The following SH3GLB1 variants were observed in gnomAD, a reference collection of about 807,000 sequenced individuals.
SH3GLB1 encodes endophilin-B1.
Under a neutral mutation model 42.0 loss-of-function variants are expected in SH3GLB1, and 17 were observed. The observed-to-expected ratio is 0.40, with a 90% CI of 0.28 to 0.61. The LOEUF (loss-of-function observed/expected upper bound fraction) is 0.61, where lower values mean the gene tolerates loss of function less well. SH3GLB1 is among the 20% of genes least tolerant of loss of function. SH3GLB1 has a pLI of 0.36. For missense variants in SH3GLB1, 355 were observed against 426.3 expected (o/e 0.83, Z 1.47); for synonymous variants, 132 against 146.6 (o/e 0.90, Z 0.72).
chr1:86,741,942 G>A (rs747767714), intron 7 of SH3GLB1, among the ~76,000 whole-genome samples: 1 of 151,948 alleles, frequency 6.6e-6, no homozygotes, highest in African/African-American at 2.4e-5. Flanking sequence ...AAAAAGTATA[G>A]CCATTAATTT....
In SH3GLB1 at chr1:86,745,151, G is replaced by A. The variant is rs188250289; in HGVS notation, c.*1916G>A. 8.5e-5 allele frequency: 13 copies of A among 152,296 alleles called. No individual in the cohort carries two copies. The highest frequency in any genetic ancestry group is 3.1e-4 in the African/African-American group (13 of 41,566). 9.4% of individuals were successfully genotyped at this position (152,296 alleles called of 1,614,324 possible). The stretch of plus-strand genomic sequence containing the variant: ...ATCGGTAATGGAGTGAAATGGTCCT[G>A]GGTTCAAATCCAGTCTTCCTCACAT... On this transcript the variant is annotated 3_prime_UTR_variant, in exon 9 of 9. Coordinates refer to ENST00000370558, the MANE Select transcript of SH3GLB1 (RefSeq NM_016009.5).
At chr1:86,725,558 A>G (rs1297638804) in intron 5 of SH3GLB1, among the ~76,000 whole-genome samples, 1 of 152,192 alleles carries the variant, frequency 6.6e-6, no homozygotes, top group Non-Finnish European at 1.5e-5. Context: ...AGAAGAAGCT[A>G]ACAAGTTAAT....
intron 1 of SH3GLB1, among the ~76,000 whole-genome samples, chr1:86,709,850 G>C (rs926265218): frequency 6.6e-6 from 1 of 152,194 alleles, no homozygotes; most frequent in East Asian, 1.9e-4. Context: ...ATTTATTTCA[G>C]CAAGTGTCAT....
chr1:86,735,640 A>G (rs1323936701), intron 7 of SH3GLB1, among the ~76,000 whole-genome samples: 3 of 152,242 alleles, frequency 2.0e-5, no homozygotes, highest in African/African-American at 7.2e-5. Context: ...TCAAAGCAAA[A>G]TGACAGTATG....
chr1:86,724,890 A>ATATATATATAT (rs1349915743), intron 5 of SH3GLB1, among the ~76,000 whole-genome samples: 4 of 102,966 alleles, frequency 3.9e-5, no homozygotes, highest in East Asian at 2.5e-4. Context: ...AAAAAAAAAA[A>ATATATATATAT]AAATATATAT....
chr1:86,733,019 C>T (rs1220434248), intron 5 of SH3GLB1, among the ~76,000 whole-genome samples: 1 of 152,000 alleles, frequency 6.6e-6, no homozygotes, highest in East Asian at 1.9e-4. Context: ...CCAAGCAGAA[C>T]AGTTAATAGT....
chr1:86,723,506 TC>T (rs745503158), intron 4 of SH3GLB1, among the ~76,000 whole-genome samples: 2 of 151,842 alleles, frequency 1.3e-5, no homozygotes, highest in Non-Finnish European at 2.9e-5. Flanking sequence ...AGAGTGAGAC[TC>T]CATCTCAAAA....
At position 86,724,357 on chromosome 1, in the gene SH3GLB1, T is replaced by C. The variant is rs34037709; in HGVS notation, c.522T>C (p.Ala174=). 6.7e-3 allele frequency: 10,687 copies of C among 1,603,758 alleles called. 572 individuals are homozygous for C. The Admixed American group carries it at 0.11, about 16-fold the overall frequency. ...AAAATAAGAGACTGGATTTGGATGC[T>C]GCAAAAACGAGACTAAAAAAGGCAA... ...LLQNKRLDLD[A]AKTRLKKAKA... is the part of the protein sequence containing the mutation. The change falls in exon 5 of 9, where the codon GCT becomes GCC. Residue 174 remains alanine (A), a synonymous_variant. Coordinates refer to ENST00000370558, the MANE Select transcript of SH3GLB1 (RefSeq NM_016009.5).
chr1:86,734,770 C>A, intron 6 of SH3GLB1, 79 bp downstream of exon 6: 2 of 952,518 alleles, frequency 2.1e-6, no homozygotes, highest in Non-Finnish European at 3.3e-6. Context: ...AAAAACTGAA[C>A]TTTTCAGTCA....
chr1:86,710,023 A>G (rs1654106630), intron 1 of SH3GLB1, among the ~76,000 whole-genome samples: 1 of 152,338 alleles, frequency 6.6e-6, no homozygotes, highest in African/African-American at 2.4e-5. Flanking sequence ...TGTTTCTTAA[A>G]TTCTAATAAA....
intron 1 of SH3GLB1, 41 bp downstream of exon 1, chr1:86,705,012 G>A (rs1570398211): frequency 1.4e-6 from 2 of 1,397,834 alleles, no homozygotes; most frequent in Non-Finnish European, 2.0e-6. Context: ...CGGCGCCCGG[G>A]AAGGTTGAGG....
chr1:86,726,029 T>G (rs1398500674), intron 5 of SH3GLB1, among the ~76,000 whole-genome samples: 1 of 152,098 alleles, frequency 6.6e-6, no homozygotes, highest in East Asian at 1.9e-4. Flanking sequence ...GCAGGAGACC[T>G]TGAATTCTTT....
At chr1:86,710,290 A>T (rs2101913706) in intron 1 of SH3GLB1, among the ~76,000 whole-genome samples, 1 of 149,034 alleles carries the variant, frequency 6.7e-6, no homozygotes, top group African/African-American at 2.5e-5. Flanking sequence ...TTTGAGACGG[A>T]GTCTCGCCCT....
In SH3GLB1 at chr1:86,720,559, A is replaced by C. The variant is rs534688502; in HGVS notation, c.343+924A>C. 1.4e-3 allele frequency among the ~76,000 whole-genome samples: 217 copies of C among 152,276 alleles called. 1 individual carries two copies. Among genetic ancestry groups the C allele is most frequent in the African/African-American group, 5.0e-3 (207 of 41,552 alleles). On this transcript the variant is annotated intron_variant, in intron 3 of 8. Transcript: ENST00000370558. ...ACATACACATCTTTATTGTCACTCT[A>C]ATTTTCTCATAACATGAGACTGTTA...
At chr1:86,710,204 C>T (rs1021715751) in intron 1 of SH3GLB1, among the ~76,000 whole-genome samples, 3 of 152,044 alleles carry the variant, frequency 2.0e-5, no homozygotes, top group Admixed American at 1.3e-4. Flanking sequence ...TTATGTACTA[C>T]ATGAGTAAGG....
At chr1:86,741,162 AGATAAACGCTAGCACT>A (rs1160017712) in intron 7 of SH3GLB1, among the ~76,000 whole-genome samples, 1 of 152,174 alleles carries the variant, frequency 6.6e-6, no homozygotes, top group African/African-American at 2.4e-5. Context: ...GGAGTATGGG[AGATAAACGCTAGCACT>A]GGAGGATGAA....
At chr1:86,709,975 A>G (rs866036576) in intron 1 of SH3GLB1, among the ~76,000 whole-genome samples, 2 of 152,158 alleles carry the variant, frequency 1.3e-5, no homozygotes, top group Non-Finnish European at 1.5e-5. Flanking sequence ...CTGAAATCCT[A>G]TTTCTTTTAC....
In SH3GLB1 at chr1:86,720,958, T is replaced by A. The variant is rs76482357; in HGVS notation, c.343+1323T>A. Among the ~76,000 whole-genome samples the A allele has an allele frequency of 2.4e-3, 368 of 152,358 alleles. 3 individuals are homozygous for A. The highest frequency in any genetic ancestry group is 8.4e-3 in the African/African-American group (350 of 41,584). ...ACTGTTAATTTTTAGAAAAATGTTATACATTAAACAGATGTTTTATTGCCT... is the reference window on the plus strand; with the variant it reads ...ACTGTTAATTTTTAGAAAAATGTTAAACATTAAACAGATGTTTTATTGCCT... On this transcript the variant is annotated intron_variant, in intron 3 of 8. Coordinates refer to ENST00000370558, the MANE Select transcript of SH3GLB1 (RefSeq NM_016009.5).
At chr1:86,727,883 A>C (rs931298798) in intron 5 of SH3GLB1, among the ~76,000 whole-genome samples, 2 of 152,004 alleles carry the variant, frequency 1.3e-5, no homozygotes, top group African/African-American at 4.8e-5. Context: ...AAACTCAATA[A>C]ATTTAGAGCA....
Sources: gnomAD v4.1 joint callset for allele counts (sites outside exome capture counted in the v4.1 genomes callset) on GRCh38, gnomAD v4.1.1 for gene constraint, MANE v1.5 for transcripts, NCBI Gene and HGNC (gene_info 2026-07-23, HGNC 2026-07-21) for gene names.